The following BLM variants were observed in gnomAD, a reference collection of about 807,000 sequenced individuals.
BLM encodes BLM RecQ like helicase, also known as recQ-like DNA helicase BLM.
A neutral mutation model predicts 135.3 loss-of-function variants in BLM; 95 were observed. The ratio of observed to expected loss-of-function variants is 0.70; its 90% CI spans 0.59 to 0.83. The LOEUF (loss-of-function observed/expected upper bound fraction) is 0.83, where lower values mean the gene tolerates loss of function less well. Ranked by LOEUF, BLM falls within the 40% of genes least tolerant of loss-of-function variation. BLM has a pLI of 0.00. For missense variants in BLM, 1,518 were observed against 1,663.9 expected, an observed-to-expected ratio of 0.91 and a Z score of 1.53; for synonymous variants, 520 against 589.2, an observed-to-expected ratio of 0.88 and a Z score of 1.70.
At chr15:90,799,460 GA>G (rs1897113127) in intron 17 of BLM, among the ~76,000 whole-genome samples, 1 of 151,660 alleles carries the variant, frequency 6.6e-6, no homozygotes, top group East Asian at 1.9e-4. Flanking sequence ...GGAAAATAGA[GA>G]AAGCATAGAA....
At chr15:90,774,647 A>T (rs1019397752) in intron 12 of BLM, among the ~76,000 whole-genome samples, 19 of 151,568 alleles carry the variant, frequency 1.3e-4, no homozygotes, top group African/African-American at 4.4e-4. Flanking sequence ...CAGCCTGGCC[A>T]ACATGGTGAA....
chr15:90,751,848 A>G lies in BLM; in HGVS notation c.861A>G (p.Pro287=), dbSNP rs1555418666. 6.2e-7 allele frequency: 1 copy of G among 1,612,802 alleles called. No individual in the cohort carries two copies. The highest frequency in any genetic ancestry group is 1.1e-5 in the South Asian group (1 of 91,034). ...EAELHSTEKV[P]CIEFDDDDYD... Reference sequence around the variant, plus strand: ...AATTACATTCAACTGAGAAAGTTCCATGTATTGAATTTGATGATGATGATT... The same window carrying G: ...AATTACATTCAACTGAGAAAGTTCCGTGTATTGAATTTGATGATGATGATT... The change falls in exon 4 of 22, where the codon CCA becomes CCG. Residue 287 remains proline, a synonymous_variant. Transcript: ENST00000355112.
At chr15:90,718,100 T>C (rs965942036) in intron 1 of BLM, among the ~76,000 whole-genome samples, 2 of 152,176 alleles carry the variant, frequency 1.3e-5, no homozygotes, top group African/African-American at 4.8e-5. Context: ...TTCCTGGCGT[T>C]TTTGTTAGGA....
Position 90,749,528 on chromosome 15 carries a change from A to C in BLM, c.260A>C (p.Lys87Thr). 6.2e-7 allele frequency: 1 copy of C among 1,614,204 alleles called. No homozygotes were observed. The highest frequency in any genetic ancestry group is 8.5e-7 in the Non-Finnish European group (1 of 1,180,042). ...AACACCACAAATCAGCAAAGGGTCA[A>C]GGACTTCTTTAAAAATGCTCCAGCA... The part of the protein sequence containing the change: ...LPNTTNQQRV[K>T]DFFKNAPAGQ... The change falls in exon 3 of 22, where the codon AAG becomes ACG. Residue 87 changes from lysine (K) to threonine (T), a missense_variant. Lys to Thr is a moderately conservative substitution (Grantham distance 78, BLOSUM62 -1). Coordinates refer to ENST00000355112, the MANE Select transcript of BLM (RefSeq NM_000057.4).
intron 21 of BLM, among the ~76,000 whole-genome samples, chr15:90,814,582 G>A (rs1897506962): frequency 6.6e-6 from 1 of 152,132 alleles, no homozygotes; most frequent in African/African-American, 2.4e-5. Context: ...TCCTGGGGCT[G>A]GCCAGGAAGA....
At chr15:90,725,501 T>C (rs1310819046) in intron 1 of BLM, among the ~76,000 whole-genome samples, 27 of 151,114 alleles carry the variant, frequency 1.8e-4, no homozygotes, top group Admixed American at 1.8e-3. Context: ...ACAGTCCCTT[T>C]TTTTTTTTTT....
chr15:90,784,039 G>A (rs933048954), intron 13 of BLM, among the ~76,000 whole-genome samples: 5 of 151,614 alleles, frequency 3.3e-5, no homozygotes, highest in South Asian at 2.1e-4. Context: ...CGTTTCTACC[G>A]TTAATCTACT....
chr15:90,788,487 T>TG (rs1169448403), intron 14 of BLM, among the ~76,000 whole-genome samples: 2 of 150,124 alleles, frequency 1.3e-5, no homozygotes, highest in South Asian at 4.2e-4. Flanking sequence ...TTTTTTTTTT[T>TG]TTTTTTTGGT....
chr15:90,729,323 T>TA (rs1221732299), intron 1 of BLM, among the ~76,000 whole-genome samples: 2 of 151,918 alleles, frequency 1.3e-5, no homozygotes, highest in Non-Finnish European at 2.9e-5. Flanking sequence ...AATAAATAAA[T>TA]AAAATAAATA....
intron 21 of BLM, among the ~76,000 whole-genome samples, chr15:90,814,775 C>T (rs1214621124): frequency 6.6e-6 from 1 of 152,208 alleles, no homozygotes; most frequent in African/African-American, 2.4e-5. Context: ...ATGTGGACCT[C>T]AGCTCCTCTT....
chr15:90,777,140 G>T (rs896454249), intron 12 of BLM, among the ~76,000 whole-genome samples: 8 of 151,026 alleles, frequency 5.3e-5, no homozygotes, highest in African/African-American at 1.9e-4. Flanking sequence ...ACCATGCCTG[G>T]CTGGCTTCAT....
chr15:90,721,022 G>A (rs899090097), intron 1 of BLM, among the ~76,000 whole-genome samples: 20 of 151,988 alleles, frequency 1.3e-4, no homozygotes, highest in East Asian at 1.9e-4. Flanking sequence ...GCAAAACCCC[G>A]TCTCTACCAA....
rs779368359 is a variant in BLM at position 90,763,037 on chromosome 15, A to G, written c.1954A>G (p.Thr652Ala). ...TTTCCAAAGTCTTAGTTTTCCTCAT[A>G]CAAAGGAAATGATGAAGATTTTTCA... The part of the protein sequence containing the change: ...ERFQSLSFPH[T>A]KEMMKIFHKK... Residue 652 changes from threonine to alanine, a missense_variant, in exon 8 of 22, where the codon ACA (threonine) becomes GCA (alanine). Coordinates refer to ENST00000355112, the MANE Select transcript of BLM (RefSeq NM_000057.4). 1.9e-6 allele frequency: 3 copies of G among 1,613,974 alleles called. No individual in the cohort carries two copies. The East Asian group carries it at 6.7e-5, about 36-fold the overall frequency.
chr15:90,726,263 A>G (rs1236083252), intron 1 of BLM, among the ~76,000 whole-genome samples: 1 of 151,978 alleles, frequency 6.6e-6, no homozygotes, highest in African/African-American at 2.4e-5. Flanking sequence ...CTGTAATTTT[A>G]TATTCTTTTC....
chr15:90,736,808 A>C (rs191110759), intron 1 of BLM, among the ~76,000 whole-genome samples: 3 of 152,198 alleles, frequency 2.0e-5, no homozygotes, highest in Non-Finnish European at 4.4e-5. Flanking sequence ...GAAAGAAGGG[A>C]AAATATGAGA....
At chr15:90,783,116 C>T (rs1172527997) in intron 13 of BLM, among the ~76,000 whole-genome samples, 188 bp downstream of exon 13, 2 of 152,192 alleles carry the variant, frequency 1.3e-5, no homozygotes, top group Non-Finnish European at 1.5e-5. Flanking sequence ...GGTTTAATAA[C>T]AATAAATTCT....
chr15:90,772,480 A>G (rs1896349117), intron 12 of BLM, among the ~76,000 whole-genome samples: 1 of 152,062 alleles, frequency 6.6e-6, no homozygotes, highest in African/African-American at 2.4e-5. Flanking sequence ...AAGTGTATTT[A>G]CCTCCTTGTC....
rs1567043236 is a variant in BLM at position 90,765,430 on chromosome 15, A to C, written c.2193+16A>C. On this transcript the variant is annotated intron_variant, in intron 9 of 21. Coordinates refer to ENST00000355112, the MANE Select transcript of BLM (RefSeq NM_000057.4). ...TTCCTTGGATGTAAGTTATAAAAAT[A>C]CTAATAAAAACACGCCTTAGAAACA... 1 of 1,526,922 alleles carries C rather than the reference A, an allele frequency of 6.5e-7. No individual in the cohort carries two copies. The highest frequency in any genetic ancestry group is 1.4e-5 in the African/African-American group (1 of 73,048). The allele number at this position is 1,526,922 out of a possible 1,614,324, so 94.6% of individuals were successfully genotyped here.
intron 7 of BLM, 44 bp from the exon 8 acceptor site, chr15:90,762,922 T>C: frequency 6.5e-7 from 1 of 1,534,892 alleles, no homozygotes; most frequent in Non-Finnish European, 9.0e-7. Flanking sequence ...GTACTTTCAC[T>C]GTATTCATGT....
Sources: gnomAD v4.1 joint callset for allele counts (sites outside exome capture counted in the v4.1 genomes callset) on GRCh38, gnomAD v4.1.1 for gene constraint, MANE v1.5 for transcripts, NCBI Gene and HGNC (gene_info 2026-07-23, HGNC 2026-07-21) for gene names.